Variants in GSG1L observed in about 807,000 individuals in gnomAD.
GSG1L encodes the protein germ cell-specific gene 1-like protein.
GSG1L carries 24 observed loss-of-function variants against 42.1 expected under a neutral mutation model. The ratio of observed to expected loss-of-function variants is 0.57; its 90% CI spans 0.41 to 0.80. The LOEUF is 0.80. GSG1L is among the 30% of genes least tolerant of loss of function. The pLI, the probability that GSG1L is intolerant of heterozygous loss-of-function variation, is 0.00. For missense variants in GSG1L, 445 were observed against 472.2 expected (o/e 0.94, Z 0.53); for synonymous variants, 215 against 203.5 (o/e 1.06, Z -0.48).
intron 2 of GSG1L, among the ~76,000 whole-genome samples, chr16:27,909,112 T>C (rs114699207): frequency 0.051 from 7,741 of 152,132 alleles, 220 homozygotes; most frequent in Middle Eastern, 0.065. Context: ...ACCCATCTAG[T>C]AGATATCCCA....
intron 2 of GSG1L, among the ~76,000 whole-genome samples, chr16:27,921,742 G>T (rs1212522962): frequency 3.3e-5 from 5 of 152,190 alleles, no homozygotes; most frequent in African/African-American, 1.2e-4. Flanking sequence ...AGATCTTTGT[G>T]TTGGTTTCTT....
intron 3 of GSG1L, among the ~76,000 whole-genome samples, chr16:27,855,692 C>T (rs903766054): frequency 6.8e-6 from 1 of 147,464 alleles, no homozygotes; most frequent in Non-Finnish European, 1.5e-5. Context: ...TGTACTCCAG[C>T]CTGGGTGACA....
At chr16:27,942,969 T>C (rs1261900290) in intron 2 of GSG1L, among the ~76,000 whole-genome samples, 2 of 152,216 alleles carry the variant, frequency 1.3e-5, no homozygotes. Context: ...ACAGGGCTTA[T>C]GGAACACGAA....
In GSG1L at chr16:28,059,812, T is replaced by C. The variant is rs2086320786; in HGVS notation, c.349+3264A>G. Among the ~76,000 whole-genome samples the C allele has an allele frequency of 1.3e-5, 2 of 152,192 alleles. No homozygotes were observed. Among genetic ancestry groups the C allele is most frequent in the African/African-American group, 4.8e-5 (2 of 41,450 alleles). The stretch of plus-strand genomic sequence containing the variant: ...TCTGTTTGTGGAAGGACGCGGGTGC[T>C]CTTCTTGGAGCAAGGAGAAAAGGTT... On this transcript the variant is annotated intron_variant, in intron 1 of 6. Transcript: ENST00000447459. This position sits in a 1 kb window ranked among gnomAD's most constrained non-coding sequence, Gnocchi z 4.4.
chr16:28,035,720 T>C (rs1268415112), intron 1 of GSG1L, among the ~76,000 whole-genome samples: 2 of 152,156 alleles, frequency 1.3e-5, no homozygotes, highest in African/African-American at 4.8e-5. Flanking sequence ...AACTTAAGAA[T>C]CAGAGATTTC....
intron 2 of GSG1L, among the ~76,000 whole-genome samples, chr16:27,922,083 T>C (rs1343356736): frequency 6.6e-6 from 1 of 151,486 alleles, no homozygotes; most frequent in Admixed American, 6.6e-5. Flanking sequence ...TAATCAACAT[T>C]TCATTTATTT....
intron 2 of GSG1L, among the ~76,000 whole-genome samples, chr16:27,947,528 A>T (rs1330946699): frequency 1.4e-5 from 2 of 142,146 alleles, no homozygotes; most frequent in Admixed American, 7.1e-5. Context: ...AGAAAAAGAA[A>T]GAAAGAATGA....
chr16:27,801,486 G>T (rs781094451), intron 6 of GSG1L, among the ~76,000 whole-genome samples: 2 of 152,168 alleles, frequency 1.3e-5, no homozygotes, highest in Non-Finnish European at 2.9e-5. Flanking sequence ...TCAGCCCATC[G>T]CAGGATCTGA....
In GSG1L at chr16:28,057,751, C is replaced by T. The variant is rs182829563; in HGVS notation, c.349+5325G>A. ...GTTATCTGGATCAACCCCAACGATG[C>T]TATCATGGGGCAGATAGGATCATCC... On this transcript the variant is annotated intron_variant, in intron 1 of 6. Transcript: ENST00000447459. Among the ~76,000 whole-genome samples, 701 of 152,286 alleles carry T rather than the reference C, an allele frequency of 4.6e-3. 5 individuals carry two copies. Among genetic ancestry groups the T allele is most frequent in the African/African-American group, 0.016 (654 of 41,570 alleles).
chr16:27,993,007 A>G (rs1217665163), intron 1 of GSG1L, among the ~76,000 whole-genome samples: 1 of 152,206 alleles, frequency 6.6e-6, no homozygotes, highest in Non-Finnish European at 1.5e-5. Context: ...TGAAATGTCC[A>G]TATGTCTAAT....
chr16:28,048,467 G>A (rs1425164485), intron 1 of GSG1L, among the ~76,000 whole-genome samples: 1 of 151,936 alleles, frequency 6.6e-6, no homozygotes, highest in Non-Finnish European at 1.5e-5. Context: ...TCACTATGTT[G>A]CCCAGTCTGG....
At chr16:27,891,993 G>T (rs1053849282) in intron 2 of GSG1L, among the ~76,000 whole-genome samples, 1 of 144,042 alleles carries the variant, frequency 6.9e-6, no homozygotes, top group African/African-American at 2.5e-5. Context: ...CAGCACCACC[G>T]GACTCACCTG....
intron 1 of GSG1L, among the ~76,000 whole-genome samples, chr16:27,969,363 A>G (rs2085167511): frequency 6.6e-6 from 1 of 152,180 alleles, no homozygotes; most frequent in Admixed American, 6.5e-5. Flanking sequence ...TGTAAATGGA[A>G]TCTTACAATA....
intron 1 of GSG1L, among the ~76,000 whole-genome samples, chr16:27,972,513 T>C (rs1168571509): frequency 6.6e-6 from 1 of 152,248 alleles, no homozygotes; most frequent in Non-Finnish European, 1.5e-5. Context: ...TAAGTTTATA[T>C]GTTTAGTTAA....
At chr16:27,806,043 C>T (rs945411879) in intron 6 of GSG1L, among the ~76,000 whole-genome samples, 1 of 152,024 alleles carries the variant, frequency 6.6e-6, no homozygotes, top group African/African-American at 2.4e-5. Flanking sequence ...GATTCTCAAC[C>T]TCTATCCCTG....
intron 1 of GSG1L, among the ~76,000 whole-genome samples, chr16:27,984,618 A>T (rs1433035641): frequency 6.6e-6 from 1 of 151,774 alleles, no homozygotes; most frequent in East Asian, 1.9e-4. Context: ...TCAGGTTATA[A>T]TTTTTTTTCT....
intron 3 of GSG1L, among the ~76,000 whole-genome samples, chr16:27,850,811 A>AT (rs35635112): frequency 0.013 from 1,826 of 143,288 alleles, 38 homozygotes; most frequent in African/African-American, 0.044. Context: ...TTTTTTTTTT[A>AT]TTTTTTTTTT....
chr16:28,027,876 C>G (rs1025968022), intron 1 of GSG1L, among the ~76,000 whole-genome samples: 19 of 152,080 alleles, frequency 1.2e-4, no homozygotes, highest in African/African-American at 3.9e-4. Context: ...CAAAAATTGC[C>G]AGGCATAGTC....
At chr16:28,000,247 C>T (rs1286664552) in intron 1 of GSG1L, among the ~76,000 whole-genome samples, 2 of 152,206 alleles carry the variant, frequency 1.3e-5, no homozygotes, top group African/African-American at 2.4e-5. Context: ...GTGGGAGGAT[C>T]GCTTGAGCCC....
Sources: allele counts gnomAD v4.1 joint callset (sites outside exome capture counted in the v4.1 genomes callset), GRCh38; gene constraint gnomAD v4.1.1; non-coding constraint Gnocchi (gnomAD v3.1); transcripts MANE v1.5; gene names NCBI Gene and HGNC (gene_info 2026-07-23, HGNC 2026-07-21).